The following CENPW variants were observed in gnomAD, a reference collection of about 807,000 sequenced individuals.
CENPW encodes cancer-up-regulated gene 2 protein.
In CENPW, 3 loss-of-function variants were observed where a neutral mutation model predicts 11.1. The ratio of observed to expected loss-of-function variants is 0.27; its 90% CI spans 0.12 to 0.70. CENPW has a LOEUF of 0.70. CENPW is among the 30% of genes least tolerant of loss of function. The pLI is 0.77. For synonymous variants in CENPW, 38 were observed against 42.0 expected, an observed-to-expected ratio of 0.91 and a Z score of 0.37; for missense variants, 100 against 105.6, an observed-to-expected ratio of 0.95 and a Z score of 0.23.
chr6:126,460,805 G>A, the CENPW span, among the ~76,000 whole-genome samples: 2 of 151,702 alleles, frequency 1.3e-5, no homozygotes, highest in Admixed American at 1.3e-4. Context: ...TGTAAACTAA[G>A]TTAGCAAGAT....
chr6:126,468,312 T>A, the CENPW span, among the ~76,000 whole-genome samples: 1 of 146,208 alleles, frequency 6.8e-6, no homozygotes, highest in Non-Finnish European at 1.5e-5. Context: ...CCCAGTTAAC[T>A]GGGAAGCTGA....
At chr6:126,405,264 C>T in the CENPW span, among the ~76,000 whole-genome samples, 2 of 152,012 alleles carry the variant, frequency 1.3e-5, no homozygotes, top group Non-Finnish European at 2.9e-5. Flanking sequence ...CTATCCTTTT[C>T]TCAATGTATT....
At chr6:126,403,953 C>T in the CENPW span, among the ~76,000 whole-genome samples, 1 of 152,020 alleles carries the variant, frequency 6.6e-6, no homozygotes, top group Non-Finnish European at 1.5e-5. Flanking sequence ...GAGGCTAATA[C>T]AGCTGGTGAT....
At chr6:126,363,640 C>T in the CENPW span, among the ~76,000 whole-genome samples, 1 of 152,158 alleles carries the variant, frequency 6.6e-6, no homozygotes, top group Non-Finnish European at 1.5e-5. Context: ...TTTCTGGTAG[C>T]AGTTAGCCTG....
chr6:126,382,531 A>G, the CENPW span, among the ~76,000 whole-genome samples: 7 of 152,282 alleles, frequency 4.6e-5, no homozygotes, highest in East Asian at 1.4e-3. Flanking sequence ...ACCCAATCTA[A>G]GGGAGCTAAG....
intron 1 of CENPW, 75 bp from the exon 2 acceptor site, chr6:126,346,130 A>G: frequency 1.4e-6 from 1 of 712,076 alleles, no homozygotes; most frequent in Non-Finnish European, 2.4e-6. Flanking sequence ...TTTTGAGATA[A>G]CTAATTTTTA....
chr6:126,455,204 C>T, the CENPW span, among the ~76,000 whole-genome samples: 1 of 151,274 alleles, frequency 6.6e-6, no homozygotes, highest in Non-Finnish European at 1.5e-5. Context: ...TGACTTCTCC[C>T]TAACTCATTT....
At chr6:126,456,212 T>C in the CENPW span, among the ~76,000 whole-genome samples, 1 of 151,348 alleles carries the variant, frequency 6.6e-6, no homozygotes, top group African/African-American at 2.4e-5. Flanking sequence ...ACTTTTAAAT[T>C]CATATACTAC....
At chr6:126,398,306 C>A in the CENPW span, among the ~76,000 whole-genome samples, 4 of 152,250 alleles carry the variant, frequency 2.6e-5, no homozygotes, top group East Asian at 7.7e-4. Flanking sequence ...GCATCTTGAT[C>A]CTTAGCATCA....
chr6:126,382,733 G>C, the CENPW span, among the ~76,000 whole-genome samples: 4 of 151,866 alleles, frequency 2.6e-5, no homozygotes, highest in African/African-American at 7.2e-5. Context: ...TAGTTAACAA[G>C]AATAAAAAAA....
the CENPW span, among the ~76,000 whole-genome samples, chr6:126,482,630 G>A: frequency 6.6e-6 from 1 of 151,870 alleles, no homozygotes; most frequent in African/African-American, 2.4e-5. Flanking sequence ...ACATTGAATT[G>A]CAATAGTGTT....
chr6:126,472,704 A>G, the CENPW span, among the ~76,000 whole-genome samples: 13 of 152,302 alleles, frequency 8.5e-5, no homozygotes, highest in Admixed American at 7.2e-4. Flanking sequence ...GTGCACATTT[A>G]AGTCTATAAG....
the CENPW span, among the ~76,000 whole-genome samples, chr6:126,390,271 T>A: frequency 6.6e-6 from 1 of 151,956 alleles, no homozygotes; most frequent in Non-Finnish European, 1.5e-5. Context: ...TTTTGCCTTC[T>A]TATGATCCAT....
At chr6:126,432,059 C>A in the CENPW span, among the ~76,000 whole-genome samples, 1 of 114,596 alleles carries the variant, frequency 8.7e-6, no homozygotes, top group African/African-American at 3.4e-5. Flanking sequence ...ACTGAGACTC[C>A]ATCTCACAAA....
At chr6:126,373,888 CA>C in the CENPW span, among the ~76,000 whole-genome samples, 1 of 152,134 alleles carries the variant, frequency 6.6e-6, no homozygotes, top group Non-Finnish European at 1.5e-5. Flanking sequence ...TGAGAAACAG[CA>C]GACAGGGAAG....
the CENPW span, among the ~76,000 whole-genome samples, chr6:126,433,165 A>G: frequency 6.6e-6 from 1 of 152,230 alleles, no homozygotes; most frequent in African/African-American, 2.4e-5. Context: ...CATTTCATTT[A>G]GAAACACATA....
chr6:126,430,715 G>A, the CENPW span, among the ~76,000 whole-genome samples: 4 of 152,246 alleles, frequency 2.6e-5, no homozygotes, highest in East Asian at 7.7e-4. Flanking sequence ...ACTTTGGGAG[G>A]CCGAGGTGGG....
At chr6:126,460,956 A>G in the CENPW span, among the ~76,000 whole-genome samples, 1 of 152,028 alleles carries the variant, frequency 6.6e-6, no homozygotes, top group African/African-American at 2.4e-5. Flanking sequence ...GGCACAGACG[A>G]TATCTATTTT....
At chr6:126,403,593 A>G in the CENPW span, among the ~76,000 whole-genome samples, 1 of 152,116 alleles carries the variant, frequency 6.6e-6, no homozygotes. Context: ...GAAAAGTTTG[A>G]AGACTAGCAT....
Sources: allele counts gnomAD v4.1 joint callset (sites outside exome capture counted in the v4.1 genomes callset), GRCh38; gene constraint gnomAD v4.1.1; transcripts MANE v1.5; gene names NCBI Gene and HGNC (gene_info 2026-07-23, HGNC 2026-07-21).